The following PRKAR2B variants were observed in gnomAD, a reference collection of about 807,000 sequenced individuals.
PRKAR2B encodes cAMP-dependent protein kinase type II-beta regulatory subunit.
In PRKAR2B, 14 loss-of-function variants were observed where a neutral mutation model predicts 49.9. The ratio of observed to expected loss-of-function variants is 0.28; its 90% CI spans 0.19 to 0.44. The LOEUF (loss-of-function observed/expected upper bound fraction) is 0.44. Among genes scored for constraint, PRKAR2B ranks in the 20% least tolerant of loss-of-function variants. The pLI, the probability that PRKAR2B is intolerant of heterozygous loss-of-function variation, is 1.00. For missense variants in PRKAR2B, 393 were observed against 537.9 expected, an observed-to-expected ratio of 0.73 and a Z score of 2.67; for synonymous variants, 196 against 197.7, an observed-to-expected ratio of 0.99 and a Z score of 0.07.
intron 5 of PRKAR2B, among the ~76,000 whole-genome samples, chr7:107,143,460 A>G (rs986469642): frequency 3.9e-5 from 6 of 152,230 alleles, no homozygotes; most frequent in African/African-American, 1.4e-4. Context: ...CAAGCCTGCC[A>G]TTGTTTGTGG....
chr7:107,147,235 C>T (rs1482941169), intron 6 of PRKAR2B, among the ~76,000 whole-genome samples: 1 of 152,024 alleles, frequency 6.6e-6, no homozygotes, highest in African/African-American at 2.4e-5. Context: ...GGCATGAACC[C>T]GGGAGGCGGA....
rs2536506 is a variant in PRKAR2B at position 107,078,399 on chromosome 7, G to A, written c.343+8083G>A. 2.8e-4 allele frequency among the ~76,000 whole-genome samples: 42 copies of A among 152,116 alleles called. 1 individual carries two copies. The East Asian group carries it at 7.7e-3, about 28-fold the overall frequency. The stretch of plus-strand genomic sequence containing the variant: ...GGGAGGTGGGAAGACAGGATGGAAG[G>A]TGGGACTGGGACCTAAGGAGGTTCT... On this transcript the variant is annotated intron_variant, in intron 2 of 10. Coordinates refer to ENST00000265717, the MANE Select transcript of PRKAR2B (RefSeq NM_002736.3).
intron 1 of PRKAR2B, among the ~76,000 whole-genome samples, chr7:107,060,483 G>A (rs562203906): frequency 4.6e-5 from 7 of 152,286 alleles, no homozygotes; most frequent in African/African-American, 1.4e-4. Context: ...TATTGCTAGT[G>A]ACATTGAACA....
chr7:107,051,903 T>C (rs1257000854), intron 1 of PRKAR2B, among the ~76,000 whole-genome samples: 1 of 152,138 alleles, frequency 6.6e-6, no homozygotes, highest in Non-Finnish European at 1.5e-5. Flanking sequence ...AAGGATGACA[T>C]TGTTTAATTT....
At chr7:107,116,762 C>T (rs980209087) in intron 2 of PRKAR2B, among the ~76,000 whole-genome samples, 3 of 151,708 alleles carry the variant, frequency 2.0e-5, no homozygotes, top group African/African-American at 7.3e-5. Flanking sequence ...TGGATGAGAA[C>T]AGGTCTATAC....
chr7:107,141,235 GA>G (rs1399605383), intron 5 of PRKAR2B, among the ~76,000 whole-genome samples: 1 of 152,130 alleles, frequency 6.6e-6, no homozygotes, highest in Non-Finnish European at 1.5e-5. Context: ...AATTCTAATT[GA>G]GAGATATTAT....
At chr7:107,119,223 T>C (rs1024677959) in intron 2 of PRKAR2B, among the ~76,000 whole-genome samples, 6 of 152,178 alleles carry the variant, frequency 3.9e-5, no homozygotes, top group African/African-American at 9.7e-5. Flanking sequence ...GGTGTGTGTA[T>C]GTGTAAAACA....
intron 6 of PRKAR2B, among the ~76,000 whole-genome samples, chr7:107,149,792 T>C (rs967005341): frequency 2.0e-5 from 3 of 152,184 alleles, no homozygotes; most frequent in African/African-American, 4.8e-5. Context: ...TAAGACCTAG[T>C]ATTTGGTAGC....
chr7:107,120,830 G>T (rs1018267255), intron 2 of PRKAR2B, among the ~76,000 whole-genome samples: 5 of 151,860 alleles, frequency 3.3e-5, no homozygotes, highest in African/African-American at 1.2e-4. Context: ...TAAAATGATT[G>T]TGAGTAATAT....
rs558397868 is a variant in PRKAR2B, at chr7:107,160,411, T to G, written c.*829T>G. ...TGTTTTTTTAAAAAGTGATTTAAAC[T>G]TAAGATCCGACATTTTTTGTATTCT... On this transcript the variant is annotated 3_prime_UTR_variant, in exon 11 of 11. Transcript: ENST00000265717. 8 of 152,332 alleles carry G rather than the reference T, an allele frequency of 5.3e-5. No individual in the cohort carries two copies. Among genetic ancestry groups the G allele is most frequent in the Admixed American group, 3.3e-4 (5 of 15,296 alleles). 9.4% of individuals were successfully genotyped at this position (152,332 alleles called of 1,614,324 possible).
chr7:107,051,024 A>G (rs1318922848), intron 1 of PRKAR2B, among the ~76,000 whole-genome samples: 1 of 152,196 alleles, frequency 6.6e-6, no homozygotes, highest in Non-Finnish European at 1.5e-5. Flanking sequence ...CTTTTGTCAG[A>G]GATGGCCTCA....
intron 2 of PRKAR2B, among the ~76,000 whole-genome samples, chr7:107,092,555 G>A (rs1794750591): frequency 6.6e-6 from 1 of 151,980 alleles, no homozygotes; most frequent in Admixed American, 6.6e-5. Context: ...TATTATATAT[G>A]TTATAAACCT....
At chr7:107,076,817 C>T (rs1204780296) in intron 2 of PRKAR2B, among the ~76,000 whole-genome samples, 1 of 152,192 alleles carries the variant, frequency 6.6e-6, no homozygotes, top group Non-Finnish European at 1.5e-5. Flanking sequence ...ATTTCAATCT[C>T]ACACACCTAC....
chr7:107,061,704 G>C (rs1334694717), intron 1 of PRKAR2B, among the ~76,000 whole-genome samples: 1 of 152,176 alleles, frequency 6.6e-6, no homozygotes, highest in East Asian at 1.9e-4. Context: ...AGCAGTTTGA[G>C]ACCAGCCTGG....
chr7:107,052,666 C>A lies in PRKAR2B; in HGVS notation c.307+7452C>A, dbSNP rs75280035. On this transcript the variant is annotated intron_variant, in intron 1 of 10. Coordinates refer to ENST00000265717, the MANE Select transcript of PRKAR2B (RefSeq NM_002736.3). ...ATTTCAGTAATTCTTTTAGCAGTAACGTGGTTGAAAATAAGCACATATCAA... is the reference window on the plus strand; with the variant it reads ...ATTTCAGTAATTCTTTTAGCAGTAAAGTGGTTGAAAATAAGCACATATCAA... Among the ~76,000 whole-genome samples, 1,230 of 152,228 alleles carry A rather than the reference C, an allele frequency of 8.1e-3. 16 individuals are homozygous for A. Among genetic ancestry groups the A allele is most frequent in the African/African-American group, 0.027 (1,132 of 41,528 alleles).
At position 107,045,029 on chromosome 7, in the gene PRKAR2B, A is replaced by G; in HGVS notation, c.122A>G (p.Gln41Arg). 3 of 1,550,788 alleles carry G rather than the reference A, an allele frequency of 1.9e-6. No individual in the cohort carries two copies. The highest frequency in any genetic ancestry group is 2.6e-6 in the Non-Finnish European group (3 of 1,151,140). The change falls in exon 1 of 11, where the codon CAG becomes CGG. Residue 41 changes from glutamine (Q) to arginine (R), a missense_variant. By Grantham distance (43) the Gln-to-Arg change is conservative (BLOSUM62 1). Around this residue, in one of 2 missense-constraint regions of PRKAR2B, gnomAD observed 160 missense variants for 147.6 expected, o/e 1.08. Transcript: ENST00000265717. ...FALQHFTRLQ[Q>R]ENERKGTARF... ...CTGCAGCACTTCACCCGCCTGCAGC[A>G]GGAGAACGAGCGCAAAGGCACCGCG... is the stretch of plus-strand genomic sequence containing the variant.
intron 2 of PRKAR2B, among the ~76,000 whole-genome samples, chr7:107,090,512 A>G (rs1794716991): frequency 6.6e-6 from 1 of 152,158 alleles, no homozygotes; most frequent in African/African-American, 2.4e-5. Context: ...ATTTTGACTG[A>G]CCCATGTCAG....
chr7:107,142,775 T>G (rs1008568043), intron 5 of PRKAR2B, among the ~76,000 whole-genome samples: 4 of 152,230 alleles, frequency 2.6e-5, no homozygotes, highest in South Asian at 2.1e-4. Context: ...TTGTTTGTTT[T>G]TTTTTTTTAA....
At chr7:107,118,310 TTTCATTCATTCATTCA>T (rs34651958) in intron 2 of PRKAR2B, among the ~76,000 whole-genome samples, 8 of 151,200 alleles carry the variant, frequency 5.3e-5, no homozygotes, top group Non-Finnish European at 1.2e-4. Flanking sequence ...TTGAGCAAGT[TTTCATTCATTCATTCA>T]TTCATTCATT....
Sources: allele counts gnomAD v4.1 joint callset (sites outside exome capture counted in the v4.1 genomes callset), GRCh38; gene constraint gnomAD v4.1.1; regional missense constraint gnomAD v4.1.1; transcripts MANE v1.5; gene names NCBI Gene and HGNC (gene_info 2026-07-23, HGNC 2026-07-21).